Variants in PTPN3 observed in about 807,000 individuals in gnomAD.
PTPN3 encodes protein tyrosine phosphatase non-receptor type 3, also known as tyrosine-protein phosphatase non-receptor type 3.
A neutral mutation model predicts 132.7 loss-of-function variants in PTPN3; 96 were observed. The observed-to-expected ratio is 0.72, with a 90% CI of 0.61 to 0.86. The LOEUF (loss-of-function observed/expected upper bound fraction) is 0.86. Among genes scored for constraint, PTPN3 ranks in the 40% least tolerant of loss-of-function variants. The probability of loss-of-function intolerance (pLI) is 0.00; values close to 1 mark genes in which losing one functional copy is unlikely to be tolerated. For missense variants in PTPN3, 1,125 were observed against 1,159.6 expected (o/e 0.97, Z 0.43); for synonymous variants, 398 against 429.0 (o/e 0.93, Z 0.89).
chr9:109,449,071 G>T, intron 5 of PTPN3: 1 of 1,370,144 alleles, frequency 7.3e-7, no homozygotes, highest in Non-Finnish European at 9.4e-7. Flanking sequence ...TTGACTGGTG[G>T]GGGCAATTTT....
chr9:109,518,964 A>G, the PTPN3 span, among the ~76,000 whole-genome samples: 602 of 152,202 alleles, frequency 4.0e-3, 3 homozygotes, highest in Non-Finnish European at 6.5e-3. Flanking sequence ...AGCCAACTGA[A>G]CATTTTACTT....
intron 5 of PTPN3, chr9:109,450,242 C>T (rs911469711): frequency 1.0e-6 from 1 of 985,126 alleles, no homozygotes; most frequent in African/African-American, 1.7e-5. Flanking sequence ...CTGATTCACA[C>T]CTATTTGGTA....
intron 14 of PTPN3, 71 bp downstream of exon 14, chr9:109,420,353 C>T (rs1842805845): frequency 2.0e-6 from 3 of 1,485,582 alleles, no homozygotes; most frequent in East Asian, 2.3e-5. Context: ...CAAATGGCAA[C>T]CTGGACCTGA....
chr9:109,523,532 C>A, the PTPN3 span, among the ~76,000 whole-genome samples: 1 of 73,034 alleles, frequency 1.4e-5, no homozygotes, highest in African/African-American at 5.7e-5. Context: ...GCCCTCCAGG[C>A]ATATTTCCCA....
At chr9:109,398,554 A>G (rs1376992533) in intron 19 of PTPN3, among the ~76,000 whole-genome samples, 1 of 152,180 alleles carries the variant, frequency 6.6e-6, no homozygotes, top group Non-Finnish European at 1.5e-5. Context: ...GGGGCCGGGT[A>G]TCTGAGTTTG....
chr9:109,446,970 G>T (rs1844907502), intron 6 of PTPN3, among the ~76,000 whole-genome samples: 1 of 152,128 alleles, frequency 6.6e-6, no homozygotes, highest in African/African-American at 2.4e-5. Flanking sequence ...TGACACCTAG[G>T]AAAAGTGCTC....
chr9:109,456,507 C>A (rs1243619223), intron 4 of PTPN3, among the ~76,000 whole-genome samples: 1 of 152,160 alleles, frequency 6.6e-6, no homozygotes, highest in East Asian at 1.9e-4. Context: ...GCATTCCCAG[C>A]AGATGGAACA....
At chr9:109,473,287 C>T (rs1480181584) in intron 1 of PTPN3, among the ~76,000 whole-genome samples, 1 of 152,212 alleles carries the variant, frequency 6.6e-6, no homozygotes, top group Non-Finnish European at 1.5e-5. Context: ...ACTGAAGCCC[C>T]TGGGAAGCCC....
chr9:109,426,251 G>T (rs968988502), intron 12 of PTPN3, among the ~76,000 whole-genome samples: 53 of 148,470 alleles, frequency 3.6e-4, no homozygotes, highest in Non-Finnish European at 5.9e-4. Context: ...TTTATTTAGA[G>T]AATAAATTTT....
chr9:109,525,337 C>T, the PTPN3 span, among the ~76,000 whole-genome samples: 2 of 152,182 alleles, frequency 1.3e-5, no homozygotes, highest in African/African-American at 2.4e-5. Context: ...GGATTACAGG[C>T]GTGAGCCACT....
intron 19 of PTPN3, among the ~76,000 whole-genome samples, chr9:109,399,253 C>CCA (rs1840857554): frequency 6.6e-6 from 1 of 152,160 alleles, no homozygotes; most frequent in Non-Finnish European, 1.5e-5. Context: ...CCTCAACCTC[C>CCA]GAGGCTAGAG....
At chr9:109,415,090 C>CCATG in intron 14 of PTPN3, among the ~76,000 whole-genome samples, 1 of 149,836 alleles carries the variant, frequency 6.7e-6, no homozygotes, top group South Asian at 2.1e-4. Flanking sequence ...ATCCATCCAT[C>CCATG]CATCCATCCA....
intron 21 of PTPN3, among the ~76,000 whole-genome samples, chr9:109,390,719 T>A (rs561387892): frequency 8.9e-4 from 135 of 152,320 alleles, no homozygotes; most frequent in African/African-American, 3.2e-3. Context: ...AACATTCCAC[T>A]TTTTCTTTTT....
the PTPN3 span, among the ~76,000 whole-genome samples, chr9:109,511,078 A>G: frequency 6.6e-6 from 1 of 152,184 alleles, no homozygotes; most frequent in African/African-American, 2.4e-5. Flanking sequence ...ATATTTTTAT[A>G]TCAAGGTGAT....
the PTPN3 span, among the ~76,000 whole-genome samples, chr9:109,507,582 G>A: frequency 6.6e-6 from 1 of 152,188 alleles, no homozygotes; most frequent in South Asian, 2.1e-4. Flanking sequence ...TTTTTCCATG[G>A]TACACACAGT....
intron 14 of PTPN3, chr9:109,417,572 C>G: frequency 1.0e-6 from 1 of 979,258 alleles, no homozygotes; most frequent in Non-Finnish European, 1.2e-6. Flanking sequence ...AGGTACAGAC[C>G]AGTCTGTACT....
At chr9:109,506,526 TCCTC>T in the PTPN3 span, among the ~76,000 whole-genome samples, 1 of 149,120 alleles carries the variant, frequency 6.7e-6, no homozygotes, top group South Asian at 2.1e-4. Flanking sequence ...TTTCCTTCCT[TCCTC>T]CCTCCCTCCT....
intron 2 of PTPN3, among the ~76,000 whole-genome samples, chr9:109,459,122 A>G (rs1339482258): frequency 1.3e-5 from 2 of 152,388 alleles, no homozygotes; most frequent in African/African-American, 2.4e-5. Context: ...TCTATTCTGC[A>G]TAATTCATCC....
At chr9:109,537,929 G>A in the PTPN3 span, among the ~76,000 whole-genome samples, 1 of 152,224 alleles carries the variant, frequency 6.6e-6, no homozygotes, top group African/African-American at 2.4e-5. Flanking sequence ...CCCACTTGCT[G>A]TCATAGAAGT....
Sources: gnomAD v4.1 joint callset for allele counts (sites outside exome capture counted in the v4.1 genomes callset) on GRCh38, gnomAD v4.1.1 for gene constraint, MANE v1.5 for transcripts, NCBI Gene and HGNC (gene_info 2026-07-23, HGNC 2026-07-21) for gene names.